FAM13A: variants seen among roughly 807,000 people sequenced by gnomAD.
FAM13A encodes protein FAM13A.
Under a neutral mutation model 129.6 loss-of-function variants are expected in FAM13A, and 76 were observed. The ratio of observed to expected loss-of-function variants is 0.59; its 90% confidence interval spans 0.49 to 0.71. The LOEUF (loss-of-function observed/expected upper bound fraction) is 0.71, where lower values mean the gene tolerates loss of function less well. FAM13A is among the 30% of genes least tolerant of loss of function. The pLI is 0.00. For missense variants in FAM13A, 1,108 were observed against 1,249.3 expected, an observed-to-expected ratio of 0.89 and a Z score of 1.70; for synonymous variants, 443 against 449.9, an observed-to-expected ratio of 0.98 and a Z score of 0.20.
At chr4:89,032,476 C>T (rs966348027) in intron 1 of FAM13A, among the ~76,000 whole-genome samples, 3 of 152,062 alleles carry the variant, frequency 2.0e-5, no homozygotes, top group African/African-American at 7.2e-5. Context: ...TCCTTAGGGG[C>T]CTTCTAATTC....
At chr4:88,740,060 C>T (rs1739905898) in intron 19 of FAM13A, among the ~76,000 whole-genome samples, 2 of 152,160 alleles carry the variant, frequency 1.3e-5, no homozygotes, top group South Asian at 2.1e-4. Context: ...TCTGCTGCTT[C>T]TCCTCCCCAT....
chr4:88,974,374 T>C (rs1209470352), intron 4 of FAM13A, among the ~76,000 whole-genome samples: 1 of 152,224 alleles, frequency 6.6e-6, no homozygotes, highest in Admixed American at 6.5e-5. Context: ...GAAGTGTTGT[T>C]GATTTTTCAG....
At position 88,941,360 on chromosome 4, in the gene FAM13A, T is replaced by C. The variant is rs1271248767; in HGVS notation, c.606-3119A>G. Among the ~76,000 whole-genome samples the C allele has an allele frequency of 3.9e-5, 6 of 152,308 alleles. No individual in the cohort carries two copies. The South Asian group carries it at 8.3e-4, about 21-fold the overall frequency. On this transcript the variant is annotated intron_variant, in intron 4 of 23. Coordinates refer to ENST00000264344, the MANE Select transcript of FAM13A (RefSeq NM_014883.4). ...TTTTTCTATTGTTGTGTCTCCCAGC[T>C]CCCACCATACAAGGAAAGTAACTTT...
At chr4:89,052,718 C>A (rs1006530862) in intron 1 of FAM13A, among the ~76,000 whole-genome samples, 1 of 152,032 alleles carries the variant, frequency 6.6e-6, no homozygotes, top group African/African-American at 2.4e-5. Context: ...GTGTTCCCCA[C>A]CTAGAACTCT....
chr4:88,963,945 C>T (rs1758996975), intron 4 of FAM13A, among the ~76,000 whole-genome samples: 1 of 152,140 alleles, frequency 6.6e-6, no homozygotes. Flanking sequence ...GGGTACAGTA[C>T]ACTCCTCAGG....
chr4:88,776,357 C>T (rs1350068869), intron 11 of FAM13A, among the ~76,000 whole-genome samples: 3 of 152,046 alleles, frequency 2.0e-5, no homozygotes, highest in African/African-American at 7.2e-5. Context: ...TTACGTGTGA[C>T]CTAGTTGTTT....
chr4:88,730,740 AC>A (rs1480356227), intron 23 of FAM13A, among the ~76,000 whole-genome samples: 3 of 152,076 alleles, frequency 2.0e-5, no homozygotes, highest in African/African-American at 7.2e-5. Flanking sequence ...GGCAATTATC[AC>A]CTTCATTTTT....
intron 21 of FAM13A, chr4:88,736,309 A>C (rs555756482): frequency 1.6e-4 from 25 of 152,360 alleles, no homozygotes; most frequent in African/African-American, 5.8e-4. Flanking sequence ...GATCTGCAAA[A>C]GGCAAGAAAA....
At chr4:88,986,196 C>T (rs1762225299) in intron 4 of FAM13A, among the ~76,000 whole-genome samples, 1 of 151,176 alleles carries the variant, frequency 6.6e-6, no homozygotes, top group African/African-American at 2.4e-5. Flanking sequence ...TGCAGTGGCA[C>T]AATATCAGCT....
At chr4:88,821,456 AAAT>A (rs1255821515) in intron 7 of FAM13A, among the ~76,000 whole-genome samples, 1 of 152,236 alleles carries the variant, frequency 6.6e-6, no homozygotes, top group Non-Finnish European at 1.5e-5. Flanking sequence ...AATTTACAGG[AAAT>A]AATGATGGTT....
At chr4:88,908,665 T>C (rs1377276302) in intron 5 of FAM13A, among the ~76,000 whole-genome samples, 1 of 152,248 alleles carries the variant, frequency 6.6e-6, no homozygotes, top group East Asian at 1.9e-4. Flanking sequence ...TTATATTTAC[T>C]TTTTGTTTTA....
chr4:88,964,826 C>A (rs1759129658), intron 4 of FAM13A, among the ~76,000 whole-genome samples: 1 of 152,006 alleles, frequency 6.6e-6, no homozygotes, highest in African/African-American at 2.4e-5. Flanking sequence ...CAGGGTTTCA[C>A]CACATTGGCC....
At chr4:88,840,685 T>A (rs1735662299) in intron 7 of FAM13A, among the ~76,000 whole-genome samples, 1 of 152,190 alleles carries the variant, frequency 6.6e-6, no homozygotes, top group South Asian at 2.1e-4. Context: ...TCCTGATTGC[T>A]GCTTGAAAAA....
intron 4 of FAM13A, among the ~76,000 whole-genome samples, chr4:88,945,812 A>T (rs1163146780): frequency 1.4e-5 from 2 of 139,826 alleles, no homozygotes; most frequent in East Asian, 2.0e-4. Flanking sequence ...TATATATATT[A>T]TATATATATA....
At chr4:88,944,423 G>A (rs1161332046) in intron 4 of FAM13A, among the ~76,000 whole-genome samples, 1 of 152,158 alleles carries the variant, frequency 6.6e-6, no homozygotes. Context: ...ATTACCAAGG[G>A]TTTGACTGGA....
At position 89,020,472 on chromosome 4, in the gene FAM13A, G is replaced by A; in HGVS notation, c.415C>T (p.Gln139Ter). The A allele has an allele frequency of 6.2e-7, 1 of 1,613,188 alleles. No homozygotes were observed. The highest frequency in any genetic ancestry group is 8.5e-7 in the Non-Finnish European group (1 of 1,179,300). The change falls in exon 3 of 24, where the codon CAA becomes TAA. Residue 139 changes from glutamine to a stop codon, truncating the protein, a stop_gained. Transcript: ENST00000264344. LOFTEE classifies it high-confidence loss of function. Reference sequence around the variant, plus strand: ...TTATTGTACTAACCCTGAAAGAGTTGAATGAATCGAGGCTGCAACGCTGAG... The same window carrying A: ...TTATTGTACTAACCCTGAAAGAGTTAAATGAATCGAGGCTGCAACGCTGAG... ...ITSALQPRFI[Q>*]LFQDGRNDVQ...
chr4:88,971,725 G>T (rs1479176269), intron 4 of FAM13A, among the ~76,000 whole-genome samples: 1 of 152,202 alleles, frequency 6.6e-6, no homozygotes, highest in Middle Eastern at 3.4e-3. Flanking sequence ...GCCCAATCTG[G>T]TCTCAAGCAA....
chr4:88,793,882 T>C (rs1725663979), intron 8 of FAM13A, among the ~76,000 whole-genome samples: 1 of 152,014 alleles, frequency 6.6e-6, no homozygotes, highest in South Asian at 2.1e-4. Flanking sequence ...CCATAGTTCC[T>C]GTGGGATGTA....
chr4:88,836,259 A>G (rs907257304), intron 7 of FAM13A, among the ~76,000 whole-genome samples: 8 of 152,212 alleles, frequency 5.3e-5, no homozygotes, highest in African/African-American at 1.7e-4. Flanking sequence ...ACAATAAAAA[A>G]GATTATGCAA....
Sources: allele counts gnomAD v4.1 joint callset (sites outside exome capture counted in the v4.1 genomes callset), GRCh38; gene constraint gnomAD v4.1.1; transcripts MANE v1.5; gene names NCBI Gene and HGNC (gene_info 2026-07-23, HGNC 2026-07-21).